The following SATL1 variants were observed in gnomAD, a reference collection of about 807,000 sequenced individuals.
The protein encoded by SATL1 is spermidine/spermine N(1)-acetyltransferase-like protein 1.
A neutral mutation model predicts 51.8 loss-of-function variants in SATL1; 47 were observed. That is an observed-to-expected ratio of 0.91 (90% CI 0.72 to 1.16). The LOEUF (loss-of-function observed/expected upper bound fraction) is 1.16, where lower values mean the gene tolerates loss of function less well. SATL1 is among the 50% of genes most tolerant of loss of function. The probability of loss-of-function intolerance (pLI) is 0.00; values close to 1 mark genes in which losing one functional copy is unlikely to be tolerated. For synonymous variants in SATL1, 176 were observed against 182.4 expected, an observed-to-expected ratio of 0.97 and a Z score of 0.28; for missense variants, 520 against 526.4, an observed-to-expected ratio of 0.99 and a Z score of 0.12.
intron 6 of SATL1, among the ~76,000 whole-genome samples, chrX:85,093,480 G>A (rs1371749212): frequency 8.9e-6 from 1 of 111,845 alleles, no homozygotes; most frequent in Non-Finnish European, 1.9e-5. Context: ...GTCTTATAAC[G>A]GTATATTTCT....
chrX:85,218,424 A>G (rs1218180990), intron 2 of SATL1, among the ~76,000 whole-genome samples: 1 of 111,897 alleles, frequency 8.9e-6, no homozygotes. Flanking sequence ...AAGTAAATTT[A>G]TGAATGGAGA....
At chrX:85,166,941 ATGTGTGTGTGTGTGTGTG>A (rs60077558) in intron 2 of SATL1, among the ~76,000 whole-genome samples, 2 of 77,594 alleles carry the variant, frequency 2.6e-5, no homozygotes, top group African/African-American at 4.4e-5. Context: ...ATATATGTGT[ATGTGTGTGTGTGTGTGTG>A]TGTGTGTGTG....
chrX:85,144,929 T>C (rs1180284477), intron 2 of SATL1, among the ~76,000 whole-genome samples: 3 of 109,822 alleles, frequency 2.7e-5, no homozygotes, highest in African/African-American at 1.0e-4. Context: ...CCCAGGTACT[T>C]GGGGGGCTGA....
chrX:85,108,800 C>T lies in SATL1; in HGVS notation c.169G>A (p.Ala57Thr), dbSNP rs1240402888. ...TTTGTACCTGATTGCCTCATGCCAG[C>T]TTGGCTCATGCTTGGTTGTTTCATG... is the stretch of plus-strand genomic sequence containing the variant. ...VDMKQPSMSQ[A>T]GMRQSGTNLP... The change falls in exon 3 of 8, where the codon GCT (alanine) becomes ACT (threonine). Residue 57 changes from alanine to threonine, a missense_variant. Coordinates refer to ENST00000644105, the MANE Select transcript of SATL1 (RefSeq NM_001367857.2). The T allele has an allele frequency of 8.3e-7, 1 of 1,211,600 alleles. No homozygotes were observed. The highest frequency in any genetic ancestry group is 1.1e-6 in the Non-Finnish European group (1 of 895,413).
intron 2 of SATL1, among the ~76,000 whole-genome samples, chrX:85,159,249 T>C (rs1926660461): frequency 8.9e-6 from 1 of 112,065 alleles, no homozygotes; most frequent in Non-Finnish European, 1.9e-5. Context: ...ATCACTTATG[T>C]AATTCATGAA....
At chrX:85,160,236 G>T (rs1255631876) in intron 2 of SATL1, among the ~76,000 whole-genome samples, 2 of 111,218 alleles carry the variant, frequency 1.8e-5, no homozygotes, top group South Asian at 7.7e-4. Context: ...ACATGAGAAA[G>T]AATCAGTGCA....
rs1158414701 is a variant in SATL1, at chrX:85,114,146, T to A, written c.-312-4866A>T. On this transcript the variant is annotated intron_variant, in intron 2 of 7. Coordinates refer to ENST00000644105, the MANE Select transcript of SATL1 (RefSeq NM_001367857.2). ...GCACTTATAAAAATAACTGTATTGTTATAAGTTAAGAATATTCACAAACAG... is the reference window on the plus strand; with the variant it reads ...GCACTTATAAAAATAACTGTATTGTAATAAGTTAAGAATATTCACAAACAG... 4.5e-5 allele frequency among the ~76,000 whole-genome samples: 5 copies of A among 112,327 alleles called. No homozygotes were observed. The East Asian group carries it at 1.4e-3, about 31-fold the overall frequency.
intron 2 of SATL1, among the ~76,000 whole-genome samples, chrX:85,185,576 A>G (rs1927295602): frequency 9.0e-6 from 1 of 111,317 alleles, no homozygotes; most frequent in Admixed American, 9.5e-5. Flanking sequence ...ACTTTTCCTC[A>G]AGCAGAGCAG....
intron 2 of SATL1, among the ~76,000 whole-genome samples, chrX:85,149,260 A>G (rs372576363): frequency 0.049 from 5,468 of 111,284 alleles, 397 homozygotes; most frequent in African/African-American, 0.17. Flanking sequence ...AACAAGAAGA[A>G]CTAACTATCC....
At chrX:85,176,731 G>T (rs1008337084) in intron 2 of SATL1, among the ~76,000 whole-genome samples, 2 of 111,189 alleles carry the variant, frequency 1.8e-5, no homozygotes, top group East Asian at 5.6e-4. Flanking sequence ...TGTTTAGGGG[G>T]TCAGAGGTTG....
intron 2 of SATL1, among the ~76,000 whole-genome samples, chrX:85,119,001 C>A (rs760192930): frequency 8.9e-6 from 1 of 111,861 alleles, no homozygotes; most frequent in African/African-American, 3.2e-5. Context: ...AAATTATTAT[C>A]ATTCAACAAA....
intron 2 of SATL1, among the ~76,000 whole-genome samples, chrX:85,155,224 T>C (rs537531442): frequency 2.3e-4 from 26 of 111,608 alleles, no homozygotes; most frequent in Admixed American, 7.7e-4. Context: ...TGACAGAGGT[T>C]GGAAACCCCC....
chrX:85,163,877 T>C lies in SATL1; in HGVS notation c.-312-54597A>G, dbSNP rs761720043. ...GGAGTATTGAAGTCCCCCACTATTATTGTCTTGCGGTCTGTCGCATTTCTT... is the reference window on the plus strand; with the variant it reads ...GGAGTATTGAAGTCCCCCACTATTACTGTCTTGCGGTCTGTCGCATTTCTT... On this transcript the variant is annotated intron_variant, in intron 2 of 7. Coordinates refer to ENST00000644105, the MANE Select transcript of SATL1 (RefSeq NM_001367857.2). Among the ~76,000 whole-genome samples, 5 of 112,104 alleles carry C rather than the reference T, an allele frequency of 4.5e-5. No individual in the cohort carries two copies. The South Asian group carries it at 1.5e-3, about 34-fold the overall frequency.
rs1051027595 is a variant in SATL1 at position 85,107,700 on chromosome X, T to C, written c.1269A>G (p.Gln423=). Residue 423 remains glutamine (Q), a synonymous_variant, in exon 3 of 8, where the codon CAA becomes CAG. Transcript: ENST00000644105. The part of the protein sequence containing the change: ...QPGTWQTGLS[Q]PVPRQPNKSP... Reference sequence around the variant, plus strand: ...TCTTGTTTGGTTGCCTCGGGACTGGTTGGCTCAGGCCTGTTTGCCATGTGC... The same window carrying C: ...TCTTGTTTGGTTGCCTCGGGACTGGCTGGCTCAGGCCTGTTTGCCATGTGC... 1 of 1,211,062 alleles carries C rather than the reference T, an allele frequency of 8.3e-7. No homozygotes were observed. Among genetic ancestry groups the C allele is most frequent in the Non-Finnish European group, 1.1e-6 (1 of 895,501 alleles).
intron 2 of SATL1, among the ~76,000 whole-genome samples, chrX:85,204,600 T>C (rs894054146): frequency 8.9e-6 from 1 of 112,017 alleles, no homozygotes; most frequent in African/African-American, 3.2e-5. Flanking sequence ...GGCTATTATT[T>C]GGAGCAAAGA....
Position 85,108,304 on chromosome X carries a change from A to G in SATL1, c.665T>C (p.Val222Ala). Residue 222 changes from valine (V) to alanine (A), a missense_variant, in exon 3 of 8, where the codon GTC (valine) becomes GCC (alanine). By Grantham distance (64) the Val-to-Ala change is moderately conservative (BLOSUM62 0). Coordinates refer to ENST00000644105, the MANE Select transcript of SATL1 (RefSeq NM_001367857.2). ...TTGCCTTATGCCTGGTTGGCTGGGGACTTGCTGGCTCATGCCTGGTTGACT... is the reference window on the plus strand; with the variant it reads ...TTGCCTTATGCCTGGTTGGCTGGGGGCTTGCTGGCTCATGCCTGGTTGACT... ...DMSQPGMSQQ[V>A]PSQPGIRQPD... 1 of 1,204,642 alleles carries G rather than the reference A, an allele frequency of 8.3e-7. No individual in the cohort carries two copies. The highest frequency in any genetic ancestry group is 1.1e-6 in the Non-Finnish European group (1 of 893,028).
chrX:85,116,666 T>A (rs1033233238), intron 2 of SATL1, among the ~76,000 whole-genome samples: 1 of 111,390 alleles, frequency 9.0e-6, no homozygotes, highest in South Asian at 3.8e-4. Flanking sequence ...AGAGACAGTA[T>A]TTCAGAGAAA....
chrX:85,110,477 C>T (rs766740047), intron 2 of SATL1, among the ~76,000 whole-genome samples: 2 of 112,015 alleles, frequency 1.8e-5, no homozygotes, highest in African/African-American at 6.5e-5. Context: ...CTAAGTCTCA[C>T]GCTGTGATAA....
intron 2 of SATL1, among the ~76,000 whole-genome samples, chrX:85,166,780 C>A (rs1271607896): frequency 1.8e-5 from 2 of 109,848 alleles, no homozygotes; most frequent in Non-Finnish European, 3.8e-5. Context: ...TGCTGGGTAT[C>A]TACCCAGAGG....
Sources: allele counts gnomAD v4.1 joint callset (sites outside exome capture counted in the v4.1 genomes callset), GRCh38; gene constraint gnomAD v4.1.1; transcripts MANE v1.5; gene names NCBI Gene and HGNC (gene_info 2026-07-23, HGNC 2026-07-21).